Variants in CCDC85C observed in about 807,000 individuals in gnomAD.
The protein encoded by CCDC85C is coiled-coil domain-containing protein 85C.
Under a neutral mutation model 38.3 loss-of-function variants are expected in CCDC85C, and 18 were observed. The observed-to-expected ratio is 0.47, with a 90% confidence interval of 0.33 to 0.70. The LOEUF (loss-of-function observed/expected upper bound fraction) is 0.70. CCDC85C is among the 30% of genes least tolerant of loss of function. The probability of loss-of-function intolerance (pLI) is 0.03; values close to 1 mark genes in which losing one functional copy is unlikely to be tolerated. For synonymous variants in CCDC85C, 264 were observed against 293.8 expected, an observed-to-expected ratio of 0.90 and a Z score of 1.04; for missense variants, 566 against 621.2, an observed-to-expected ratio of 0.91 and a Z score of 0.94.
In CCDC85C at chr14:99,558,022, G is replaced by GT. The variant is rs536678582; in HGVS notation, c.794-21935dup. On this transcript the variant is annotated intron_variant, in intron 1 of 5. Coordinates refer to ENST00000380243, the MANE Select transcript of CCDC85C (RefSeq NM_001144995.2). This position sits in a 1 kb window ranked among gnomAD's most constrained non-coding sequence, Gnocchi z 4.2. The stretch of plus-strand genomic sequence containing the variant: ...TGAAATATCACAGAAGAAAGTGCGT[G>GT]TGCAGCTTAATCTTAGGGGAAAAAA... Among the ~76,000 whole-genome samples the GT allele has an allele frequency of 3.1e-3, 467 of 152,336 alleles. 2 individuals are homozygous for GT. The highest frequency in any genetic ancestry group is 0.011 in the African/African-American group (437 of 41,584).
chr14:99,566,594 T>C (rs1346854554), intron 1 of CCDC85C, among the ~76,000 whole-genome samples: 1 of 152,170 alleles, frequency 6.6e-6, no homozygotes, highest in East Asian at 1.9e-4. Flanking sequence ...TCTCCCTGCC[T>C]GGCCCCATGA....
chr14:99,565,811 C>A (rs925883941), intron 1 of CCDC85C, among the ~76,000 whole-genome samples: 8 of 152,194 alleles, frequency 5.3e-5, no homozygotes, highest in Non-Finnish European at 7.3e-5. Flanking sequence ...GCAACAAACA[C>A]AAATGGGTTT....
At chr14:99,519,473 C>T (rs1182554521) in intron 3 of CCDC85C, among the ~76,000 whole-genome samples, 5 of 152,018 alleles carry the variant, frequency 3.3e-5, no homozygotes, top group African/African-American at 1.2e-4. Flanking sequence ...TTGCCCAAGA[C>T]CAAACAGCTT....
chr14:99,542,269 C>T (rs1434560742), intron 1 of CCDC85C, among the ~76,000 whole-genome samples: 1 of 152,208 alleles, frequency 6.6e-6, no homozygotes, highest in Non-Finnish European at 1.5e-5. Flanking sequence ...AGTGCAGAAA[C>T]AAGGTGCAAA....
intron 1 of CCDC85C, among the ~76,000 whole-genome samples, chr14:99,571,616 A>G (rs1421150172): frequency 1.3e-5 from 2 of 152,226 alleles, no homozygotes; most frequent in South Asian, 2.1e-4. Flanking sequence ...TGGATGTTAA[A>G]TGTGCTTTGT....
At chr14:99,577,917 AGTGTGTGT>A (rs368902066) in intron 1 of CCDC85C, among the ~76,000 whole-genome samples, 5 of 117,146 alleles carry the variant, frequency 4.3e-5, no homozygotes, top group South Asian at 2.9e-4. Flanking sequence ...ATCCCCCATC[AGTGTGTGT>A]GTGTGTGTGT....
chr14:99,576,807 C>G lies in CCDC85C; in HGVS notation c.793+26360G>C, dbSNP rs1429909987. ...AGAGGGTGGAACGGACTATCAGTCA[C>G]TCTACAGGAAAGCAGAGGCTCAGAG... On this transcript the variant is annotated intron_variant, in intron 1 of 5. Transcript: ENST00000380243. This position sits in a 1 kb window ranked among gnomAD's most constrained non-coding sequence, Gnocchi z 4.8. Among the ~76,000 whole-genome samples the G allele has an allele frequency of 1.3e-5, 2 of 152,190 alleles. No homozygotes were observed. Among genetic ancestry groups the G allele is most frequent in the Non-Finnish European group, 2.9e-5 (2 of 68,024 alleles).
chr14:99,502,641 A>G lies in CCDC85C; in HGVS notation c.*12605T>C. The stretch of plus-strand genomic sequence containing the variant: ...ATGCTTAGGTCCTCGTAGGGGTATC[A>G]TAACTGATTCTTTATCCAGGTAAAA... On this transcript the variant is annotated 3_prime_UTR_variant, in exon 6 of 6. Coordinates refer to ENST00000380243, the MANE Select transcript of CCDC85C (RefSeq NM_001144995.2). 1 of 1,406,754 alleles carries G rather than the reference A, an allele frequency of 7.1e-7. No homozygotes were observed. 87.1% of individuals were successfully genotyped at this position (1,406,754 alleles called of 1,614,324 possible). A position where few individuals can be genotyped will look rare whatever the true frequency, so the allele number is the denominator to read the frequency against.
intron 2 of CCDC85C, among the ~76,000 whole-genome samples, chr14:99,530,943 T>G (rs1468266882): frequency 6.6e-6 from 1 of 152,214 alleles, no homozygotes; most frequent in African/African-American, 2.4e-5. Flanking sequence ...TCCAGGACTG[T>G]AAGGAAATAA....
chr14:99,543,844 G>A (rs949385729), intron 1 of CCDC85C, among the ~76,000 whole-genome samples: 3 of 152,052 alleles, frequency 2.0e-5, no homozygotes, highest in Non-Finnish European at 2.9e-5. Context: ...AGAGGGCATC[G>A]GGTTCCTGTG....
At chr14:99,568,440 C>G (rs1566776759) in intron 1 of CCDC85C, among the ~76,000 whole-genome samples, 1 of 152,036 alleles carries the variant, frequency 6.6e-6, no homozygotes, top group Non-Finnish European at 1.5e-5. Flanking sequence ...CTCAGAACCT[C>G]TGTCCGAGGC....
At chr14:99,519,574 T>A (rs1287481502) in intron 3 of CCDC85C, among the ~76,000 whole-genome samples, 1 of 152,110 alleles carries the variant, frequency 6.6e-6, no homozygotes, top group Non-Finnish European at 1.5e-5. Context: ...CAGAGAGAAC[T>A]GAAAATAGAC....
chr14:99,590,638 C>T (rs2139986718), intron 1 of CCDC85C, among the ~76,000 whole-genome samples: 1 of 152,312 alleles, frequency 6.6e-6, no homozygotes, highest in East Asian at 1.9e-4. Context: ...CCAGAAGGGG[C>T]TTTCACGTGA....
rs1012772710 is a variant in CCDC85C, at chr14:99,520,721, A to G, written c.975+1412T>C. 6.6e-6 allele frequency among the ~76,000 whole-genome samples: 1 copy of G among 152,026 alleles called. No individual in the cohort carries two copies. Among genetic ancestry groups the G allele is most frequent in the African/African-American group, 2.4e-5 (1 of 41,396 alleles). On this transcript the variant is annotated intron_variant, in intron 3 of 5. Coordinates refer to ENST00000380243, the MANE Select transcript of CCDC85C (RefSeq NM_001144995.2). This position sits in a 1 kb window ranked among gnomAD's most constrained non-coding sequence, Gnocchi z 4.1. Reference sequence around the variant, plus strand: ...GCTGGCCCCTGACCTCTAGGCACACACAGGCACCAGGACGCACTCACCATG... The same window carrying G: ...GCTGGCCCCTGACCTCTAGGCACACGCAGGCACCAGGACGCACTCACCATG...
rs866385426 is a variant in CCDC85C at position 99,535,605 on chromosome 14, G to A, written c.867+410C>T. Among the ~76,000 whole-genome samples the A allele has an allele frequency of 6.6e-6, 1 of 152,150 alleles. No homozygotes were observed. The highest frequency in any genetic ancestry group is 2.4e-5 in the African/African-American group (1 of 41,438). On this transcript the variant is annotated intron_variant, in intron 2 of 5. Coordinates refer to ENST00000380243, the MANE Select transcript of CCDC85C (RefSeq NM_001144995.2). The surrounding 1 kb of genome is among the most constrained non-coding windows in gnomAD (Gnocchi z 5.5). ...TGTGGGTGAGGTCGGGCCCAGGAGG[G>A]AGGAGGGGAACCCAGCCCAGGGAGG...
chr14:99,579,254 A>G (rs1313390634), intron 1 of CCDC85C, among the ~76,000 whole-genome samples: 5 of 152,246 alleles, frequency 3.3e-5, no homozygotes, highest in African/African-American at 1.2e-4. Flanking sequence ...CCTTGGTGCC[A>G]AACAAGCCAG....
At chr14:99,523,176 A>T (rs1566760688) in intron 2 of CCDC85C, among the ~76,000 whole-genome samples, 1 of 152,154 alleles carries the variant, frequency 6.6e-6, no homozygotes, top group Non-Finnish European at 1.5e-5. Flanking sequence ...AACAAACTGC[A>T]GGGGCAGGGG....
At chr14:99,600,763 G>A (rs959793936) in intron 1 of CCDC85C, among the ~76,000 whole-genome samples, 1 of 152,226 alleles carries the variant, frequency 6.6e-6, no homozygotes, top group African/African-American at 2.4e-5. Flanking sequence ...GCGCAAGCCT[G>A]GTGTCTGACC....
chr14:99,543,897 C>T (rs1196284560), intron 1 of CCDC85C, among the ~76,000 whole-genome samples: 1 of 152,210 alleles, frequency 6.6e-6, no homozygotes, highest in Non-Finnish European at 1.5e-5. Context: ...AGGCAGGCCT[C>T]AGTGCCCACA....
Sources: allele counts gnomAD v4.1 joint callset (sites outside exome capture counted in the v4.1 genomes callset), GRCh38; gene constraint gnomAD v4.1.1; non-coding constraint Gnocchi (gnomAD v3.1); transcripts MANE v1.5; gene names NCBI Gene and HGNC (gene_info 2026-07-23, HGNC 2026-07-21).